MCPH1: variants seen among roughly 807,000 people sequenced by gnomAD.
The protein encoded by MCPH1 is microcephalin 1, also known as microcephalin.
A neutral mutation model predicts 84.5 loss-of-function variants in MCPH1; 104 were observed. The observed-to-expected ratio is 1.23, with a 90% CI of 1.05 to 1.45. The LOEUF is 1.45. Among genes scored for constraint, MCPH1 ranks in the 40% most tolerant of loss-of-function variants. The probability of loss-of-function intolerance (pLI) is 0.00; values close to 1 mark genes in which losing one functional copy is unlikely to be tolerated. For synonymous variants in MCPH1, 514 were observed against 366.8 expected (o/e 1.40, Z -4.58); for missense variants, 1,498 against 1,005.7 (o/e 1.49, Z -6.62).
intron 12 of MCPH1, among the ~76,000 whole-genome samples, chr8:6,584,380 A>G (rs1451869053): frequency 6.6e-6 from 1 of 152,194 alleles, no homozygotes; most frequent in Non-Finnish European, 1.5e-5. Flanking sequence ...AGTCGCCCCC[A>G]AAACATATAC....
At chr8:6,613,019 G>A (rs971012258) in intron 12 of MCPH1, among the ~76,000 whole-genome samples, 2 of 152,248 alleles carry the variant, frequency 1.3e-5, no homozygotes, top group Non-Finnish European at 2.9e-5. Flanking sequence ...AAGACCTGAT[G>A]GAGCGTGTCC....
chr8:6,527,503 T>C, intron 12 of MCPH1: 1 of 1,584,618 alleles, frequency 6.3e-7, no homozygotes, highest in Non-Finnish European at 8.6e-7. Context: ...CCGACTTTCA[T>C]ATCTGGAAAG....
chr8:6,477,064 A>T (rs199600649), intron 9 of MCPH1, among the ~76,000 whole-genome samples: 4 of 152,062 alleles, frequency 2.6e-5, no homozygotes, highest in Non-Finnish European at 5.9e-5. Context: ...TTTTATTTAA[A>T]TTTTTTTCAA....
chr8:6,429,266 C>T (rs533312535), intron 3 of MCPH1, among the ~76,000 whole-genome samples: 1 of 152,290 alleles, frequency 6.6e-6, no homozygotes, highest in African/African-American at 2.4e-5. Flanking sequence ...GAGTCCAGAG[C>T]TTCTCAGGCT....
chr8:6,543,055 G>GC (rs1821897468), intron 12 of MCPH1, among the ~76,000 whole-genome samples: 1 of 152,174 alleles, frequency 6.6e-6, no homozygotes, highest in African/African-American at 2.4e-5. Context: ...CAGCAGGGCT[G>GC]TGCGTGCCCT....
At chr8:6,478,091 C>T (rs1459666970) in intron 10 of MCPH1, among the ~76,000 whole-genome samples, 1 of 152,164 alleles carries the variant, frequency 6.6e-6, no homozygotes, top group South Asian at 2.1e-4. Flanking sequence ...GAACATCCAA[C>T]AAAAATACAG....
rs146310449 is a variant in MCPH1, at chr8:6,583,116, A to T, written c.2215-38338A>T. ...TTTTCATCTTGGCAATCTCTATCCTAACCAGCACAGTGCCTCGCTGAATAT... is the reference window on the plus strand; with the variant it reads ...TTTTCATCTTGGCAATCTCTATCCTTACCAGCACAGTGCCTCGCTGAATAT... On this transcript the variant is annotated intron_variant, in intron 12 of 13. Transcript: ENST00000344683. 1.6e-3 allele frequency among the ~76,000 whole-genome samples: 239 copies of T among 152,220 alleles called. 2 individuals carry two copies. The highest frequency in any genetic ancestry group is 5.6e-3 in the African/African-American group (231 of 41,516).
intron 12 of MCPH1, among the ~76,000 whole-genome samples, chr8:6,590,833 T>G (rs1277422354): frequency 6.6e-6 from 1 of 152,214 alleles, no homozygotes; most frequent in African/African-American, 2.4e-5. Flanking sequence ...CAGTGGAGAC[T>G]GGCTTCAGAC....
chr8:6,419,183 ACACACG>A (rs766756554), intron 3 of MCPH1, among the ~76,000 whole-genome samples: 6,059 of 93,984 alleles, frequency 0.064, 217 homozygotes, highest in African/African-American at 0.12. Flanking sequence ...ACACACACAC[ACACACG>A]CATTTTTACC....
intron 9 of MCPH1, among the ~76,000 whole-genome samples, chr8:6,468,762 G>A (rs1270679785): frequency 9.3e-5 from 14 of 150,950 alleles, no homozygotes; most frequent in Admixed American, 9.3e-4. Flanking sequence ...GAAACTGTTT[G>A]GAAAAGGTAT....
At chr8:6,504,465 C>A (rs1812870187) in intron 12 of MCPH1, among the ~76,000 whole-genome samples, 1 of 152,152 alleles carries the variant, frequency 6.6e-6, no homozygotes, top group Non-Finnish European at 1.5e-5. Context: ...TACATCCGGT[C>A]TCCTGATCAC....
At chr8:6,521,690 A>T (rs1248340375) in intron 12 of MCPH1, among the ~76,000 whole-genome samples, 1 of 152,180 alleles carries the variant, frequency 6.6e-6, no homozygotes, top group Non-Finnish European at 1.5e-5. Context: ...TAGGTGGGAT[A>T]TGGGTGTTTT....
At chr8:6,417,503 C>A (rs1196923562) in intron 3 of MCPH1, among the ~76,000 whole-genome samples, 1 of 152,136 alleles carries the variant, frequency 6.6e-6, no homozygotes, top group East Asian at 1.9e-4. Context: ...TCTCCTTCTT[C>A]TTCATTATTG....
At chr8:6,515,918 C>T (rs1816182089) in intron 12 of MCPH1, among the ~76,000 whole-genome samples, 1 of 152,114 alleles carries the variant, frequency 6.6e-6, no homozygotes, top group African/African-American at 2.4e-5. Flanking sequence ...CTTTCATTTC[C>T]TACATGAGGA....
intron 9 of MCPH1, among the ~76,000 whole-genome samples, chr8:6,475,362 T>C (rs118050729): frequency 9.8e-5 from 15 of 152,358 alleles, no homozygotes; most frequent in Non-Finnish European, 1.9e-4. Context: ...ATTCCTCTCA[T>C]GGGAGATGTG....
intron 11 of MCPH1, among the ~76,000 whole-genome samples, chr8:6,496,843 G>A (rs539416951): frequency 2.6e-5 from 4 of 152,084 alleles, no homozygotes; most frequent in African/African-American, 9.7e-5. Flanking sequence ...ATGTTTTCAA[G>A]CCCAACTTAA....
intron 12 of MCPH1, among the ~76,000 whole-genome samples, chr8:6,592,874 T>C (rs2129577755): frequency 6.7e-6 from 1 of 149,052 alleles, no homozygotes; most frequent in Middle Eastern, 3.4e-3. Context: ...GCCATGTTGC[T>C]CAGGCTGGTC....
At chr8:6,516,065 C>A (rs560107094) in intron 12 of MCPH1, among the ~76,000 whole-genome samples, 71 of 152,302 alleles carry the variant, frequency 4.7e-4, no homozygotes, top group Non-Finnish European at 7.6e-4. Flanking sequence ...GAAGGTCACC[C>A]AGCTCGTATT....
intron 12 of MCPH1, among the ~76,000 whole-genome samples, chr8:6,596,878 A>G (rs1828969519): frequency 6.6e-6 from 1 of 152,230 alleles, no homozygotes; most frequent in African/African-American, 2.4e-5. Flanking sequence ...CAGCTGAGAA[A>G]ATACAGAAGG....
Sources: gnomAD v4.1 joint callset for allele counts (sites outside exome capture counted in the v4.1 genomes callset) on GRCh38, gnomAD v4.1.1 for gene constraint, MANE v1.5 for transcripts, NCBI Gene and HGNC (gene_info 2026-07-23, HGNC 2026-07-21) for gene names.